Variants in SLC35F1 observed in about 807,000 individuals in gnomAD.
SLC35F1 encodes solute carrier family 35 member F1.
SLC35F1 carries 14 observed loss-of-function variants against 48.7 expected under a neutral mutation model. The ratio of observed to expected loss-of-function variants is 0.29; its 90% CI spans 0.19 to 0.45. SLC35F1 has a LOEUF of 0.45. Among genes scored for constraint, SLC35F1 ranks in the 20% least tolerant of loss-of-function variants. SLC35F1 has a pLI of 1.00. For synonymous variants in SLC35F1, 190 were observed against 202.2 expected (o/e 0.94, Z 0.51); for missense variants, 404 against 500.0 (o/e 0.81, Z 1.83).
chr6:117,981,068 T>G (rs1776770094), intron 1 of SLC35F1, among the ~76,000 whole-genome samples: 1 of 152,136 alleles, frequency 6.6e-6, no homozygotes, highest in Admixed American at 6.5e-5. Context: ...TTGAGAAAGC[T>G]TTGGTTGTAG....
intron 1 of SLC35F1, among the ~76,000 whole-genome samples, chr6:118,076,849 C>T (rs547302430): frequency 6.5e-4 from 99 of 152,032 alleles, no homozygotes; most frequent in Admixed American, 1.8e-3. Context: ...CCCCTGTTAA[C>T]ACTGTAATTA....
At chr6:118,270,568 A>T (rs1293591247) in intron 4 of SLC35F1, among the ~76,000 whole-genome samples, 2 of 152,190 alleles carry the variant, frequency 1.3e-5, no homozygotes. Context: ...CCACTATAGG[A>T]TGCTTCCACG....
intron 2 of SLC35F1, among the ~76,000 whole-genome samples, chr6:118,217,774 G>C (rs1363924523): frequency 6.6e-6 from 1 of 152,122 alleles, no homozygotes; most frequent in Admixed American, 6.6e-5. Flanking sequence ...AAATATAAAA[G>C]TGTCATTGCA....
rs146168131 is a variant in SLC35F1 at position 118,046,058 on chromosome 6, C to T, written c.174-108387C>T. 1.9e-3 allele frequency among the ~76,000 whole-genome samples: 287 copies of T among 152,222 alleles called. 3 individuals carry two copies. The highest frequency in any genetic ancestry group is 6.3e-3 in the African/African-American group (260 of 41,558). On this transcript the variant is annotated intron_variant, in intron 1 of 7. Transcript: ENST00000360388. Reference sequence around the variant, plus strand: ...ATTACTTACAGCCAAATACTTAATGCGCAAAGGCATTTAAAGAAATCTGTG... The same window carrying T: ...ATTACTTACAGCCAAATACTTAATGTGCAAAGGCATTTAAAGAAATCTGTG...
chr6:117,953,947 A>G (rs1776395503), intron 1 of SLC35F1, among the ~76,000 whole-genome samples: 1 of 152,216 alleles, frequency 6.6e-6, no homozygotes, highest in South Asian at 2.1e-4. Context: ...GCATGTGGTC[A>G]ATCTCCTTGT....
At chr6:118,273,864 T>C (rs1361912786) in intron 4 of SLC35F1, among the ~76,000 whole-genome samples, 1 of 152,156 alleles carries the variant, frequency 6.6e-6, no homozygotes, top group Non-Finnish European at 1.5e-5. Flanking sequence ...TCCAGCACAA[T>C]GCTGCCTTCA....
chr6:117,979,162 A>G (rs977245733), intron 1 of SLC35F1, among the ~76,000 whole-genome samples: 2 of 152,240 alleles, frequency 1.3e-5, no homozygotes, highest in Non-Finnish European at 2.9e-5. Context: ...GCTAGCGAAG[A>G]GCAGCTCCCC....
At chr6:118,158,788 TATTA>T (rs1376812208) in intron 2 of SLC35F1, among the ~76,000 whole-genome samples, 1 of 152,214 alleles carries the variant, frequency 6.6e-6, no homozygotes, top group Middle Eastern at 3.2e-3. Flanking sequence ...TGCCCTTGAT[TATTA>T]ATTGATTCTT....
At chr6:117,953,919 A>C (rs1000790325) in intron 1 of SLC35F1, among the ~76,000 whole-genome samples, 1 of 152,172 alleles carries the variant, frequency 6.6e-6, no homozygotes, top group Non-Finnish European at 1.5e-5. Context: ...ATCCTGAAAC[A>C]ACAAGTTACC....
At chr6:117,932,510 C>T (rs185298805) in intron 1 of SLC35F1, among the ~76,000 whole-genome samples, 17 of 152,248 alleles carry the variant, frequency 1.1e-4, no homozygotes, top group Admixed American at 6.5e-4. Context: ...AAGCTTCTGT[C>T]ATCTCTTCTC....
At chr6:118,074,849 G>A (rs1212520043) in intron 1 of SLC35F1, among the ~76,000 whole-genome samples, 1 of 152,092 alleles carries the variant, frequency 6.6e-6, no homozygotes, top group Non-Finnish European at 1.5e-5. Context: ...TCACTATATT[G>A]CCCAGGCTGG....
intron 1 of SLC35F1, among the ~76,000 whole-genome samples, chr6:117,931,599 TTTTTG>T (rs535541985): frequency 2.6e-5 from 4 of 152,190 alleles, no homozygotes; most frequent in African/African-American, 9.7e-5. Context: ...TCACAGGGTT[TTTTTG>T]TTTTGTTTTG....
At chr6:118,035,840 C>T (rs1303692844) in intron 1 of SLC35F1, among the ~76,000 whole-genome samples, 2 of 129,596 alleles carry the variant, frequency 1.5e-5, no homozygotes, top group Non-Finnish European at 3.4e-5. Flanking sequence ...AGGCGCCCCC[C>T]CAACCACGCC....
At chr6:117,917,215 C>T (rs1326372297) in intron 1 of SLC35F1, among the ~76,000 whole-genome samples, 1 of 151,938 alleles carries the variant, frequency 6.6e-6, no homozygotes, top group Admixed American at 6.6e-5. Context: ...TGAAACAAGT[C>T]TTCATAATGA....
intron 1 of SLC35F1, among the ~76,000 whole-genome samples, chr6:118,099,989 T>C (rs1381381501): frequency 6.6e-6 from 1 of 152,220 alleles, no homozygotes; most frequent in Non-Finnish European, 1.5e-5. Context: ...GTATAATAAA[T>C]AACATTTATG....
intron 2 of SLC35F1, among the ~76,000 whole-genome samples, chr6:118,208,441 G>A (rs1774964581): frequency 6.6e-6 from 1 of 152,104 alleles, no homozygotes; most frequent in Admixed American, 6.6e-5. Flanking sequence ...CTTTGACCAA[G>A]ACATTTATTA....
rs115298764 is a variant in SLC35F1, at chr6:118,310,147, G to A, written c.1003-3881G>A. On this transcript the variant is annotated intron_variant, in intron 7 of 7. Transcript: ENST00000360388. ...ACAGAACAAACAGCATATTCTGATG[G>A]CTACAGTTTGCAAAGGAGAAGACCT... Among the ~76,000 whole-genome samples the A allele has an allele frequency of 3.4e-3, 521 of 152,262 alleles. 5 individuals carry two copies. The highest frequency in any genetic ancestry group is 0.012 in the African/African-American group (513 of 41,558).
intron 1 of SLC35F1, among the ~76,000 whole-genome samples, chr6:118,025,557 A>G (rs1777451369): frequency 6.6e-6 from 1 of 152,172 alleles, no homozygotes. Context: ...GTGATGTTCC[A>G]TCTCCTTGAG....
chr6:117,924,031 ACATAGGTACACATGCATATGTATATACAC>A, intron 1 of SLC35F1, among the ~76,000 whole-genome samples: 1 of 150,164 alleles, frequency 6.7e-6, no homozygotes, highest in African/African-American at 2.5e-5. Flanking sequence ...ACCTATACAC[ACATAGGTACACATGCATATGTATATACAC>A]ACATAGGTAC....
Sources: allele counts gnomAD v4.1 joint callset (sites outside exome capture counted in the v4.1 genomes callset), GRCh38; gene constraint gnomAD v4.1.1; transcripts MANE v1.5; gene names NCBI Gene and HGNC (gene_info 2026-07-23, HGNC 2026-07-21).